The following TRPM7 variants were observed in gnomAD, a reference collection of about 807,000 sequenced individuals.
TRPM7 encodes transient receptor potential cation channel subfamily M member 7.
Under a neutral mutation model 229.7 loss-of-function variants are expected in TRPM7, and 134 were observed. That is an observed-to-expected ratio of 0.58 (90% CI 0.51 to 0.67). The LOEUF is 0.67. TRPM7 is among the 30% of genes least tolerant of loss of function. The probability of loss-of-function intolerance (pLI) is 0.00; values close to 1 mark genes in which losing one functional copy is unlikely to be tolerated. For synonymous variants in TRPM7, 699 were observed against 715.2 expected, an observed-to-expected ratio of 0.98 and a Z score of 0.36; for missense variants, 1,901 against 2,210.0, an observed-to-expected ratio of 0.86 and a Z score of 2.80.
chr15:50,584,171 T>G (rs1170492529), intron 28 of TRPM7, among the ~76,000 whole-genome samples: 2 of 152,102 alleles, frequency 1.3e-5, no homozygotes, highest in Non-Finnish European at 2.9e-5. Context: ...GCTTACAATT[T>G]TACAGTACAA....
intron 22 of TRPM7, among the ~76,000 whole-genome samples, chr15:50,597,667 T>G (rs181524802): frequency 4.6e-5 from 7 of 152,104 alleles, no homozygotes; most frequent in African/African-American, 1.7e-4. Flanking sequence ...TCCCAGAACT[T>G]TGGGAGGCCA....
chr15:50,593,753 T>C lies in TRPM7; in HGVS notation c.3476-4A>G, dbSNP rs1393062463. 8 of 1,601,354 alleles carry C rather than the reference T, an allele frequency of 5.0e-6. No homozygotes were observed. Among genetic ancestry groups the C allele is most frequent in the Non-Finnish European group, 5.9e-6 (7 of 1,176,774 alleles). ...TCTTCTTCTGTTAAGAAAAGTTCTA[T>C]GGGAGGAAAAGGAGAAGAAAATCAA... is the stretch of plus-strand genomic sequence containing the variant. On this transcript the variant is annotated splice_polypyrimidine_tract_variant and splice_region_variant and intron_variant, in intron 24 of 38. Coordinates refer to ENST00000646667, the MANE Select transcript of TRPM7 (RefSeq NM_017672.6).
chr15:50,639,199 C>A (rs1310519109), intron 6 of TRPM7, among the ~76,000 whole-genome samples: 1 of 152,044 alleles, frequency 6.6e-6, no homozygotes, highest in Non-Finnish European at 1.5e-5. Flanking sequence ...CAAAATGTGC[C>A]AACACTGTAA....
At chr15:50,671,268 T>C (rs1479566256) in intron 1 of TRPM7, among the ~76,000 whole-genome samples, 1 of 152,078 alleles carries the variant, frequency 6.6e-6, no homozygotes, top group Non-Finnish European at 1.5e-5. Flanking sequence ...CTTTTATCAG[T>C]TCAATTTTTT....
rs2054115580 is a variant in TRPM7, at chr15:50,576,049, T to C, written c.4619-130A>G. On this transcript the variant is annotated intron_variant, in intron 31 of 38. Transcript: ENST00000646667. Reference sequence around the variant, plus strand: ...CTGTTCCTCACAAAAACAGAAAAATTAGGGATAAAATATGTCCACTGTGCT... The same window carrying C: ...CTGTTCCTCACAAAAACAGAAAAATCAGGGATAAAATATGTCCACTGTGCT... 3.3e-6 allele frequency: 3 copies of C among 902,164 alleles called. No individual in the cohort carries two copies. The South Asian group carries it at 5.1e-5, about 15-fold the overall frequency. The allele number at this position is 902,164 out of a possible 1,614,324, so 55.9% of individuals were successfully genotyped here.
chr15:50,682,173 C>CAAAAAAAAAAAAAAAAAAAAAAAA (rs34590459), intron 1 of TRPM7, among the ~76,000 whole-genome samples: 10 of 63,678 alleles, frequency 1.6e-4, no homozygotes, highest in Non-Finnish European at 2.2e-4. Flanking sequence ...AACTCAGTCT[C>CAAAAAAAAAAAAAAAAAAAAAAAA]AAAAAAAAAA....
chr15:50,683,191 G>A (rs2062279860), intron 1 of TRPM7, among the ~76,000 whole-genome samples: 1 of 150,704 alleles, frequency 6.6e-6, no homozygotes, highest in Non-Finnish European at 1.5e-5. Context: ...CCCTGACCCA[G>A]GTACCAAACT....
chr15:50,586,120 T>C (rs2059336469), intron 28 of TRPM7, among the ~76,000 whole-genome samples: 3 of 152,218 alleles, frequency 2.0e-5, no homozygotes, highest in African/African-American at 7.2e-5. Context: ...GATGAACAGA[T>C]ACATTTGCAA....
chr15:50,608,284 T>C (rs2059974606), intron 19 of TRPM7, among the ~76,000 whole-genome samples: 1 of 149,260 alleles, frequency 6.7e-6, no homozygotes, highest in Non-Finnish European at 1.5e-5. Flanking sequence ...CATGTGAGTA[T>C]TTATTTCATT....
chr15:50,615,297 C>A (rs776609761), intron 13 of TRPM7, among the ~76,000 whole-genome samples: 5 of 151,624 alleles, frequency 3.3e-5, no homozygotes, highest in Non-Finnish European at 5.9e-5. Flanking sequence ...TCCAGACTGG[C>A]CCAGAAATAC....
intron 38 of TRPM7, among the ~76,000 whole-genome samples, chr15:50,564,988 TGG>T (rs2053530095): frequency 2.0e-5 from 3 of 151,710 alleles, no homozygotes; most frequent in African/African-American, 7.3e-5. Flanking sequence ...ATGAAGGATC[TGG>T]GCCAGATTGC....
At chr15:50,635,515 T>G (rs1327085032) in intron 7 of TRPM7, among the ~76,000 whole-genome samples, 1 of 149,568 alleles carries the variant, frequency 6.7e-6, no homozygotes, top group Non-Finnish European at 1.5e-5. Context: ...TACAAAAAAG[T>G]AGCCGGGCAT....
intron 21 of TRPM7, among the ~76,000 whole-genome samples, chr15:50,600,019 A>T (rs2059733887): frequency 6.6e-6 from 1 of 152,234 alleles, no homozygotes; most frequent in Non-Finnish European, 1.5e-5. Context: ...ATTTTGACAT[A>T]ATTATTTAAG....
intron 3 of TRPM7, among the ~76,000 whole-genome samples, chr15:50,654,759 G>A (rs992313373): frequency 1.3e-5 from 2 of 150,842 alleles, no homozygotes; most frequent in African/African-American, 4.8e-5. Context: ...AGCACTTTGG[G>A]ATTACAGGCG....
intron 7 of TRPM7, among the ~76,000 whole-genome samples, 186 bp from the exon 8 acceptor site, chr15:50,634,742 C>T (rs146339800): frequency 8.5e-5 from 13 of 152,198 alleles, no homozygotes; most frequent in East Asian, 1.9e-4. Flanking sequence ...TACCAGTTCA[C>T]GTAAGTAAAT....
chr15:50,609,850 C>T lies in TRPM7; in HGVS notation c.2392G>A (p.Asp798Asn). The stretch of plus-strand genomic sequence containing the variant: ...ATGTTCTGAAAGTTGTTTTCGCTGT[C>T]ATCCATTGTCATCTGATGAGCATCT... ...SQDAHQMTMD[D>N]SENNFQNITE... Residue 798 changes from aspartate to asparagine, a missense_variant, in exon 18 of 39, where the codon GAC becomes AAC. Asp to Asn is a conservative substitution (Grantham distance 23). This residue lies in a region of TRPM7 where 207 missense variants were observed against 241.5 expected (regional missense o/e 0.86). Coordinates refer to ENST00000646667, the MANE Select transcript of TRPM7 (RefSeq NM_017672.6). The T allele has an allele frequency of 6.2e-7, 1 of 1,613,084 alleles. No homozygotes were observed. Among genetic ancestry groups the T allele is most frequent in the Non-Finnish European group, 8.5e-7 (1 of 1,179,500 alleles).
chr15:50,575,693 A>C (rs764782970), intron 33 of TRPM7, 31 bp downstream of exon 33: 1 of 1,577,462 alleles, frequency 6.3e-7, no homozygotes, highest in Admixed American at 1.7e-5. Flanking sequence ...GTTAATTTTC[A>C]CTTATTTATT....
intron 1 of TRPM7, among the ~76,000 whole-genome samples, chr15:50,679,149 G>A (rs1049113539): frequency 3.6e-5 from 5 of 140,234 alleles, no homozygotes; most frequent in African/African-American, 1.4e-4. Flanking sequence ...TGGGATTACA[G>A]GCATTAACCA....
In TRPM7 at chr15:50,580,920, A is replaced by AG; in HGVS notation, c.4558-13_4558-12insC. The AG allele has an allele frequency of 6.3e-7, 1 of 1,575,830 alleles. No homozygotes were observed. The highest frequency in any genetic ancestry group is 1.2e-5 in the South Asian group (1 of 83,882). On this transcript the variant is annotated splice_polypyrimidine_tract_variant and intron_variant, in intron 29 of 38. Transcript: ENST00000646667. ...TCTTGTAACCAATCCTTCAGTAAAA[A>AG]AAAAACACACACACACAAAAACCTT...
Sources: gnomAD v4.1 joint callset for allele counts (sites outside exome capture counted in the v4.1 genomes callset) on GRCh38, gnomAD v4.1.1 for gene constraint, gnomAD v4.1.1 regional missense constraint, MANE v1.5 for transcripts, NCBI Gene and HGNC (gene_info 2026-07-23, HGNC 2026-07-21) for gene names.